The following MCRIP1 variants were observed in gnomAD, a reference collection of about 807,000 sequenced individuals.
MCRIP1 encodes MAPK regulated corepressor interacting protein 1, also known as mapk-regulated corepressor-interacting protein 1.
Under a neutral mutation model 14.4 loss-of-function variants are expected in MCRIP1, and 10 were observed. The observed-to-expected ratio is 0.70, with a 90% CI of 0.43 to 1.18. MCRIP1 has a LOEUF of 1.18. Ranked by LOEUF, MCRIP1 falls within the 50% of genes most tolerant of loss-of-function variation. The pLI is 0.00. For synonymous variants in MCRIP1, 53 were observed against 55.7 expected (o/e 0.95, Z 0.21); for missense variants, 119 against 135.4 (o/e 0.88, Z 0.60).
At chr17:81,827,209 C>G (rs1241761064) in intron 1 of MCRIP1, among the ~76,000 whole-genome samples, 2 of 151,976 alleles carry the variant, frequency 1.3e-5, no homozygotes, top group African/African-American at 4.8e-5. Flanking sequence ...GGGCAGATCA[C>G]TTGAGCCCAA....
At chr17:81,826,226 C>T in intron 1 of MCRIP1, 1 of 609,060 alleles carries the variant, frequency 1.6e-6, no homozygotes, top group Non-Finnish European at 2.1e-6. Flanking sequence ...GCCTTGTGTG[C>T]ACACACACAC....
At chr17:81,831,589 G>A (rs1169896988) in intron 1 of MCRIP1, among the ~76,000 whole-genome samples, 1 of 152,104 alleles carries the variant, frequency 6.6e-6, no homozygotes, top group African/African-American at 2.4e-5. Context: ...CTAAGGGCAG[G>A]GCAGCCACCA....
At chr17:81,826,160 G>C (rs1360028225) in intron 1 of MCRIP1, 1 of 1,495,610 alleles carries the variant, frequency 6.7e-7, no homozygotes, top group African/African-American at 1.4e-5. Context: ...TCCTGCCCCA[G>C]ATCCCACTGA....
At position 81,822,929 on chromosome 17, in the gene MCRIP1, G is replaced by A; in HGVS notation, c.*318C>T. ...GATCCTGCAGTGGCCAGGGGCAGGA[G>A]GGTGAGGGGAGAGGAGAGAGGTCAG... On this transcript the variant is annotated 3_prime_UTR_variant, in exon 5 of 5. Coordinates refer to ENST00000455127, the MANE Select transcript of MCRIP1 (RefSeq NM_207368.5). The A allele has an allele frequency of 7.6e-6, 4 of 524,974 alleles. No individual in the cohort carries two copies. The highest frequency in any genetic ancestry group is 2.3e-5 in the South Asian group (1 of 43,454). The allele number at this position is 524,974 out of a possible 1,614,324, so 32.5% of individuals were successfully genotyped here.
At chr17:81,826,988 G>T (rs1448920861) in intron 1 of MCRIP1, among the ~76,000 whole-genome samples, 2 of 151,292 alleles carry the variant, frequency 1.3e-5, no homozygotes, top group Non-Finnish European at 2.9e-5. Flanking sequence ...TGTGGTGGTG[G>T]GCACCTGTGG....
chr17:81,832,023 C>T (rs1201921739), intron 1 of MCRIP1, among the ~76,000 whole-genome samples: 1 of 152,150 alleles, frequency 6.6e-6, no homozygotes, highest in African/African-American at 2.4e-5. Context: ...TTCTTTCCCC[C>T]ACACAGCCAC....
At chr17:81,828,790 GCAGGAAGGAGC>G (rs1271600882) in intron 1 of MCRIP1, among the ~76,000 whole-genome samples, 2 of 152,224 alleles carry the variant, frequency 1.3e-5, no homozygotes, top group African/African-American at 4.8e-5. Context: ...GCCTGTGAGG[GCAGGAAGGAGC>G]CATCCACGGA....
intron 1 of MCRIP1, among the ~76,000 whole-genome samples, chr17:81,827,776 A>ATT (rs757592037): frequency 1.4e-3 from 154 of 110,754 alleles, no homozygotes; most frequent in Non-Finnish European, 1.6e-3. Context: ...GCACCCATAC[A>ATT]TTTTTTTTTT....
chr17:81,824,832 C>G, intron 1 of MCRIP1: 1 of 1,329,970 alleles, frequency 7.5e-7, no homozygotes, highest in Non-Finnish European at 9.6e-7. Flanking sequence ...TCCTCCACGT[C>G]TCAGGCTCAG....
At chr17:81,826,130 C>G in intron 1 of MCRIP1, 1 of 1,484,980 alleles carries the variant, frequency 6.7e-7, no homozygotes. Context: ...TGGGATCCCC[C>G]TGCTGGGTTC....
intron 1 of MCRIP1, 180 bp from the exon 2 acceptor site, chr17:81,824,734 A>T: frequency 1.4e-6 from 2 of 1,445,506 alleles, no homozygotes; most frequent in Non-Finnish European, 1.8e-6. Context: ...AGTGGGCTCC[A>T]GGCAACCCTA....
chr17:81,824,857 G>A (rs2038356085), intron 1 of MCRIP1: 7 of 1,278,638 alleles, frequency 5.5e-6, no homozygotes, highest in Admixed American at 3.8e-5. Context: ...GGAGGCCTCA[G>A]CCCCAGCACC....
intron 1 of MCRIP1, among the ~76,000 whole-genome samples, chr17:81,829,153 G>A (rs1453181181): frequency 1.3e-5 from 2 of 152,160 alleles, no homozygotes; most frequent in East Asian, 1.9e-4. Flanking sequence ...CCCAGCACAC[G>A]GCAGACGGCC....
chr17:81,828,468 T>C (rs913388651), intron 1 of MCRIP1, among the ~76,000 whole-genome samples: 1 of 152,096 alleles, frequency 6.6e-6, no homozygotes, highest in Admixed American at 6.6e-5. Context: ...ATCAAGTATC[T>C]GTGCACAACC....
At chr17:81,825,701 GC>G (rs1292858826) in intron 1 of MCRIP1, 6 of 1,289,244 alleles carry the variant, frequency 4.7e-6, no homozygotes, top group Non-Finnish European at 1.0e-6. Flanking sequence ...GGAACTCTGT[GC>G]CCCATCCCAG....
chr17:81,822,823 G>T lies in MCRIP1; in HGVS notation c.*424C>A. On this transcript the variant is annotated 3_prime_UTR_variant, in exon 5 of 5. Transcript: ENST00000455127. The stretch of plus-strand genomic sequence containing the variant: ...GATGGGGTGGGGCTGCCCTTGTCCT[G>T]TATCCTGACCACTTCAAGGACAAAA... The T allele has an allele frequency of 6.8e-6, 2 of 292,942 alleles. No homozygotes were observed. Among genetic ancestry groups the T allele is most frequent in the South Asian group, 7.9e-5 (2 of 25,296 alleles). 18.1% of individuals were successfully genotyped at this position (292,942 alleles called of 1,614,324 possible). A position where few individuals can be genotyped will look rare whatever the true frequency, so the allele number is the denominator to read the frequency against.
chr17:81,824,173 G>T lies in MCRIP1; in HGVS notation c.127+114C>A, dbSNP rs1004536734. 6.0e-6 allele frequency: 5 copies of T among 838,412 alleles called. No homozygotes were observed. The Admixed American group carries it at 1.2e-4, about 20-fold the overall frequency. The allele number at this position is 838,412 out of a possible 1,614,324, so 51.9% of individuals were successfully genotyped here. On this transcript the variant is annotated intron_variant, in intron 3 of 4. Transcript: ENST00000455127. The stretch of plus-strand genomic sequence containing the variant: ...ACAGTGATGGGGCTATCTGTGCCCT[G>T]GAGGGGCAGGGGCAGGGGCCGCAGG...
chr17:81,825,595 C>T (rs1189830754), intron 1 of MCRIP1: 8 of 1,289,286 alleles, frequency 6.2e-6, no homozygotes, highest in East Asian at 1.1e-4. Context: ...CTCATTCCGC[C>T]TCATGTCAAT....
intron 1 of MCRIP1, among the ~76,000 whole-genome samples, chr17:81,833,018 C>A (rs2038552156): frequency 6.6e-6 from 1 of 151,384 alleles, no homozygotes; most frequent in Non-Finnish European, 1.5e-5. Flanking sequence ...GCCCTCCCCA[C>A]GCGCGCTCCC....
Sources: gnomAD v4.1 joint callset for allele counts (sites outside exome capture counted in the v4.1 genomes callset) on GRCh38, gnomAD v4.1.1 for gene constraint, MANE v1.5 for transcripts, NCBI Gene and HGNC (gene_info 2026-07-23, HGNC 2026-07-21) for gene names.